The following SCAPER variants were observed in gnomAD, a reference collection of about 807,000 sequenced individuals.
SCAPER encodes the protein S-phase cyclin A associated protein in the ER.
Under a neutral mutation model 182.2 loss-of-function variants are expected in SCAPER, and 98 were observed. That is an observed-to-expected ratio of 0.54 (90% confidence interval 0.46 to 0.64). The LOEUF (loss-of-function observed/expected upper bound fraction) is 0.64, where lower values mean the gene tolerates loss of function less well. Among genes scored for constraint, SCAPER ranks in the 30% least tolerant of loss-of-function variants. The pLI is 0.00. For synonymous variants in SCAPER, 605 were observed against 564.6 expected (o/e 1.07, Z -1.01); for missense variants, 1,432 against 1,690.0 (o/e 0.85, Z 2.68).
At chr15:76,396,850 G>T (rs1250053749) in intron 27 of SCAPER, among the ~76,000 whole-genome samples, 1 of 152,084 alleles carries the variant, frequency 6.6e-6, no homozygotes, top group Non-Finnish European at 1.5e-5. Flanking sequence ...GTATGATGTT[G>T]AGTAACAGTG....
intron 2 of SCAPER, among the ~76,000 whole-genome samples, chr15:76,871,384 G>A (rs1437198940): frequency 2.0e-5 from 3 of 147,284 alleles, no homozygotes; most frequent in Admixed American, 6.8e-5. Flanking sequence ...ACTCCAGCTT[G>A]GGGGACAGAA....
intron 23 of SCAPER, among the ~76,000 whole-genome samples, chr15:76,548,038 C>T (rs182810560): frequency 5.3e-5 from 8 of 152,104 alleles, no homozygotes; most frequent in Non-Finnish European, 1.5e-5. Flanking sequence ...CATCCTGGAT[C>T]TCCATTTTGT....
intron 26 of SCAPER, among the ~76,000 whole-genome samples, chr15:76,432,734 C>A (rs2046950712): frequency 6.6e-6 from 1 of 152,196 alleles, no homozygotes; most frequent in African/African-American, 2.4e-5. Context: ...ACAGGGCTGA[C>A]CTTGAACAGG....
intron 25 of SCAPER, among the ~76,000 whole-genome samples, chr15:76,441,822 TCTC>T (rs1406385162): frequency 3.3e-5 from 5 of 150,154 alleles, no homozygotes; most frequent in African/African-American, 1.2e-4. Flanking sequence ...CATTATTTCC[TCTC>T]TCTCTCAGAA....
intron 24 of SCAPER, among the ~76,000 whole-genome samples, chr15:76,500,073 C>T (rs2040958428): frequency 6.6e-6 from 1 of 152,172 alleles, no homozygotes; most frequent in Non-Finnish European, 1.5e-5. Context: ...AGGTATTAGT[C>T]TTCCCATTTA....
At chr15:76,532,430 G>A (rs1235025748) in intron 23 of SCAPER, among the ~76,000 whole-genome samples, 6 of 149,254 alleles carry the variant, frequency 4.0e-5, no homozygotes, top group East Asian at 4.1e-4. Context: ...TCAAACTCCC[G>A]AGCTCAAATG....
Position 76,774,907 on chromosome 15 carries a change from T to C in SCAPER, c.983A>G (p.His328Arg). Residue 328 changes from histidine (H) to arginine (R), a missense_variant, in exon 9 of 32, where the codon CAT (histidine) becomes CGT (arginine). By Grantham distance (29) the His-to-Arg change is conservative (BLOSUM62 0). Around this residue, in one of 5 missense-constraint regions of SCAPER, gnomAD observed 480 missense variants for 510.2 expected, o/e 0.94. Coordinates refer to ENST00000563290, the MANE Select transcript of SCAPER (RefSeq NM_020843.4). ...GDGTSNTIES[H>R]PKDSLHSCDH... ...ACAAGAGTGTAATGAGTCTTTGGGATGAGATTCTATAGTATTAGAAGTTCC... is the reference window on the plus strand; with the variant it reads ...ACAAGAGTGTAATGAGTCTTTGGGACGAGATTCTATAGTATTAGAAGTTCC... 1.9e-6 allele frequency: 3 copies of C among 1,608,046 alleles called. No homozygotes were observed. The highest frequency in any genetic ancestry group is 1.7e-6 in the Non-Finnish European group (2 of 1,175,120).
intron 26 of SCAPER, among the ~76,000 whole-genome samples, chr15:76,428,593 C>A (rs1168066404): frequency 6.6e-6 from 1 of 151,690 alleles, no homozygotes; most frequent in Non-Finnish European, 1.5e-5. Context: ...AAGTTGGTAT[C>A]CAGAAGCAGA....
intron 21 of SCAPER, among the ~76,000 whole-genome samples, chr15:76,626,639 C>T (rs1188615606): frequency 1.3e-5 from 2 of 152,204 alleles, no homozygotes; most frequent in African/African-American, 2.4e-5. Flanking sequence ...ATCGCTTGAA[C>T]CTGGGAGGCG....
intron 22 of SCAPER, among the ~76,000 whole-genome samples, chr15:76,574,920 T>C (rs1314395963): frequency 6.6e-6 from 1 of 152,146 alleles, no homozygotes; most frequent in Non-Finnish European, 1.5e-5. Context: ...TTTCCACTTA[T>C]TTACTTGAGA....
At chr15:76,893,662 T>C (rs1258914351) in intron 1 of SCAPER, among the ~76,000 whole-genome samples, 1 of 152,238 alleles carries the variant, frequency 6.6e-6, no homozygotes, top group African/African-American at 2.4e-5. Context: ...ATAGATCATA[T>C]GTTAGGCCAC....
chr15:76,591,106 A>G (rs1050815847), intron 22 of SCAPER, among the ~76,000 whole-genome samples: 1 of 152,088 alleles, frequency 6.6e-6, no homozygotes, highest in Non-Finnish European at 1.5e-5. Flanking sequence ...TGGATACACT[A>G]AAAGCCCAGA....
intron 24 of SCAPER, among the ~76,000 whole-genome samples, chr15:76,496,304 C>A (rs1403405805): frequency 7.2e-5 from 11 of 151,770 alleles, no homozygotes; most frequent in African/African-American, 1.5e-4. Flanking sequence ...AAGAAATACA[C>A]TTTTCAGTTG....
At chr15:76,509,446 C>T (rs1024681163) in intron 23 of SCAPER, among the ~76,000 whole-genome samples, 2 of 152,148 alleles carry the variant, frequency 1.3e-5, no homozygotes, top group East Asian at 3.9e-4. Context: ...TGGGTCCAAG[C>T]TTACCCTAAC....
At chr15:76,720,550 G>C (rs1407851768) in intron 17 of SCAPER, among the ~76,000 whole-genome samples, 1 of 152,156 alleles carries the variant, frequency 6.6e-6, no homozygotes, top group South Asian at 2.1e-4. Context: ...CACCAACAGT[G>C]TAAAAGTGTT....
At chr15:76,805,897 T>C (rs946569408) in intron 5 of SCAPER, among the ~76,000 whole-genome samples, 1 of 152,178 alleles carries the variant, frequency 6.6e-6, no homozygotes, top group African/African-American at 2.4e-5. Flanking sequence ...GAAATGTCTA[T>C]TCAAATCCTT....
intron 7 of SCAPER, among the ~76,000 whole-genome samples, chr15:76,796,650 A>G (rs2065348605): frequency 6.6e-6 from 1 of 152,252 alleles, no homozygotes; most frequent in African/African-American, 2.4e-5. Context: ...GCAGATCAAT[A>G]TAAGAACTTT....
chr15:76,565,635 A>G (rs1226442913), intron 23 of SCAPER, among the ~76,000 whole-genome samples: 1 of 152,098 alleles, frequency 6.6e-6, no homozygotes, highest in Non-Finnish European at 1.5e-5. Flanking sequence ...AAAATACACA[A>G]CACTTTTTAA....
intron 26 of SCAPER, among the ~76,000 whole-genome samples, chr15:76,411,981 C>T (rs561329299): frequency 1.3e-5 from 2 of 152,004 alleles, no homozygotes; most frequent in South Asian, 2.1e-4. Flanking sequence ...ATTCCATGAC[C>T]GCAAAGATAT....
Sources: allele counts gnomAD v4.1 joint callset (sites outside exome capture counted in the v4.1 genomes callset), GRCh38; gene constraint gnomAD v4.1.1; regional missense constraint gnomAD v4.1.1; transcripts MANE v1.5; gene names NCBI Gene and HGNC (gene_info 2026-07-23, HGNC 2026-07-21).